The following COMMD10 variants were observed in gnomAD, a reference collection of about 807,000 sequenced individuals.
The protein encoded by COMMD10 is COMM domain-containing protein 10.
A neutral mutation model predicts 28.9 loss-of-function variants in COMMD10; 33 were observed. That is an observed-to-expected ratio of 1.14 (90% CI 0.87 to 1.53). The LOEUF is 1.53. Among genes scored for constraint, COMMD10 ranks in the 40% most tolerant of loss-of-function variants. COMMD10 has a pLI of 0.00. For synonymous variants in COMMD10, 110 were observed against 81.7 expected, an observed-to-expected ratio of 1.35 and a Z score of -1.87; for missense variants, 310 against 233.4, an observed-to-expected ratio of 1.33 and a Z score of -2.14.
chr5:116,145,914 A>G (rs181947231), intron 5 of COMMD10, among the ~76,000 whole-genome samples: 1 of 152,060 alleles, frequency 6.6e-6, no homozygotes, highest in African/African-American at 2.4e-5. Flanking sequence ...CTAAACTGTG[A>G]GTCAATTAAA....
chr5:116,246,105 C>T (rs903272042), intron 5 of COMMD10, among the ~76,000 whole-genome samples: 4 of 152,112 alleles, frequency 2.6e-5, no homozygotes, highest in Non-Finnish European at 5.9e-5. Context: ...CAGCCAAAAG[C>T]TTCTTAAGCT....
chr5:116,140,296 TACACATATGG>T (rs1561625848), intron 5 of COMMD10, among the ~76,000 whole-genome samples: 1 of 151,552 alleles, frequency 6.6e-6, no homozygotes, highest in African/African-American at 2.4e-5. Flanking sequence ...TATATATATG[TACACATATGG>T]ACACATACAC....
At chr5:116,262,528 C>T (rs1750476717) in intron 5 of COMMD10, among the ~76,000 whole-genome samples, 1 of 151,564 alleles carries the variant, frequency 6.6e-6, no homozygotes, top group South Asian at 2.1e-4. Flanking sequence ...ATATGATTTT[C>T]TTAGAGTTGA....
intron 5 of COMMD10, among the ~76,000 whole-genome samples, chr5:116,248,314 G>T (rs910078644): frequency 1.3e-5 from 2 of 151,890 alleles, no homozygotes; most frequent in East Asian, 3.9e-4. Flanking sequence ...AGATACAGAT[G>T]GATACAGATG....
chr5:116,161,325 A>G (rs1567333), intron 5 of COMMD10, among the ~76,000 whole-genome samples: 391 of 152,068 alleles, frequency 2.6e-3, no homozygotes, highest in Non-Finnish European at 4.4e-3. Flanking sequence ...TGGATATATA[A>G]TGGTTTAGTG....
intron 5 of COMMD10, among the ~76,000 whole-genome samples, chr5:116,190,990 T>TCC (rs1748351969): frequency 6.6e-6 from 1 of 152,208 alleles, no homozygotes; most frequent in African/African-American, 2.4e-5. Context: ...TTCTACATTT[T>TCC]ACACCCTGTT....
chr5:116,213,421 A>G (rs1447867394), intron 5 of COMMD10, among the ~76,000 whole-genome samples: 1 of 152,164 alleles, frequency 6.6e-6, no homozygotes, highest in Non-Finnish European at 1.5e-5. Flanking sequence ...GGGTCATGGT[A>G]AAAATAATCA....
At chr5:116,178,204 C>T (rs1747804598) in intron 5 of COMMD10, among the ~76,000 whole-genome samples, 1 of 151,940 alleles carries the variant, frequency 6.6e-6, no homozygotes, top group Non-Finnish European at 1.5e-5. Context: ...AGATAGAAAC[C>T]ACTTCATTTT....
intron 5 of COMMD10, among the ~76,000 whole-genome samples, chr5:116,251,842 A>G (rs1264025131): frequency 6.6e-6 from 1 of 152,072 alleles, no homozygotes; most frequent in Non-Finnish European, 1.5e-5. Flanking sequence ...TGGTATTTCT[A>G]GTTCTAGATC....
intron 5 of COMMD10, among the ~76,000 whole-genome samples, chr5:116,212,324 A>G (rs1748987384): frequency 6.6e-6 from 1 of 152,146 alleles, no homozygotes; most frequent in Non-Finnish European, 1.5e-5. Flanking sequence ...TCCTCTCTCC[A>G]GGCATCCTTT....
chr5:116,204,811 C>T (rs1050342616), intron 5 of COMMD10, among the ~76,000 whole-genome samples: 12 of 152,090 alleles, frequency 7.9e-5, no homozygotes, highest in African/African-American at 1.4e-4. Flanking sequence ...TCGTGGTATA[C>T]GGTATTAAAG....
chr5:116,266,687 A>C (rs562009642), intron 5 of COMMD10, among the ~76,000 whole-genome samples: 1 of 151,946 alleles, frequency 6.6e-6, no homozygotes, highest in South Asian at 2.1e-4. Flanking sequence ...CATCGATGCA[A>C]AAATCCTCAA....
intron 5 of COMMD10, among the ~76,000 whole-genome samples, chr5:116,266,945 C>T (rs1416987171): frequency 1.3e-5 from 2 of 151,902 alleles, no homozygotes; most frequent in East Asian, 1.9e-4. Flanking sequence ...TGGGATATAT[C>T]TCAAAATAAT....
At chr5:116,160,744 A>C (rs1389417318) in intron 5 of COMMD10, among the ~76,000 whole-genome samples, 5 of 152,174 alleles carry the variant, frequency 3.3e-5, no homozygotes, top group Admixed American at 1.3e-4. Context: ...AATTTCAGAA[A>C]TCTCATGGCT....
In COMMD10 at chr5:116,137,749, T is replaced by A. The variant is rs961470013; in HGVS notation, c.510+3571T>A. Among the ~76,000 whole-genome samples the A allele has an allele frequency of 2.6e-5, 4 of 152,040 alleles. No homozygotes were observed. In the South Asian group the frequency reaches 8.3e-4, roughly 31 times the overall value. ...ATCACACTGGATAACACTGTTTGAC[T>A]GTGGTCTCCTTTCTTAGAACACTTC... On this transcript the variant is annotated intron_variant, in intron 5 of 6. Coordinates refer to ENST00000274458, the MANE Select transcript of COMMD10 (RefSeq NM_016144.4).
At chr5:116,265,998 A>C (rs1012400716) in intron 5 of COMMD10, among the ~76,000 whole-genome samples, 5 of 151,940 alleles carry the variant, frequency 3.3e-5, no homozygotes, top group Admixed American at 6.6e-5. Context: ...TTACTGGCTC[A>C]AATATGGAAG....
chr5:116,202,648 A>AT (rs1328513712), intron 5 of COMMD10, among the ~76,000 whole-genome samples: 2 of 151,786 alleles, frequency 1.3e-5, no homozygotes, highest in African/African-American at 4.9e-5. Context: ...GATGATGAGC[A>AT]TTTTTTCATG....
chr5:116,110,054 C>T (rs1190938788), intron 4 of COMMD10, among the ~76,000 whole-genome samples: 1 of 152,102 alleles, frequency 6.6e-6, no homozygotes, highest in African/African-American at 2.4e-5. Context: ...CTTCTATGCC[C>T]AGTTTGTTGA....
intron 5 of COMMD10, among the ~76,000 whole-genome samples, chr5:116,160,064 A>G (rs1314542057): frequency 6.6e-6 from 1 of 152,300 alleles, no homozygotes; most frequent in East Asian, 1.9e-4. Context: ...ATGGTAGTGA[A>G]TTATAGAGGT....
Sources: gnomAD v4.1 joint callset for allele counts (sites outside exome capture counted in the v4.1 genomes callset) on GRCh38, gnomAD v4.1.1 for gene constraint, MANE v1.5 for transcripts, NCBI Gene and HGNC (gene_info 2026-07-23, HGNC 2026-07-21) for gene names.